IPCEF1: variants seen among roughly 807,000 people sequenced by gnomAD.
The protein encoded by IPCEF1 is interactor protein for cytohesin exchange factors 1.
A neutral mutation model predicts 50.9 loss-of-function variants in IPCEF1; 31 were observed. The observed-to-expected ratio is 0.61, with a 90% CI of 0.46 to 0.82. The LOEUF (loss-of-function observed/expected upper bound fraction) is 0.82, where lower values mean the gene tolerates loss of function less well. Among genes scored for constraint, IPCEF1 ranks in the 40% least tolerant of loss-of-function variants. The probability of loss-of-function intolerance (pLI) is 0.00; values close to 1 mark genes in which losing one functional copy is unlikely to be tolerated. For synonymous variants in IPCEF1, 181 were observed against 192.0 expected (o/e 0.94, Z 0.47); for missense variants, 458 against 514.0 (o/e 0.89, Z 1.05).
At chr6:154,316,854 C>T (rs1783231823) in intron 1 of IPCEF1, among the ~76,000 whole-genome samples, 1 of 152,092 alleles carries the variant, frequency 6.6e-6, no homozygotes, top group Non-Finnish European at 1.5e-5. Flanking sequence ...TTTAAAACAA[C>T]ATGTACCTAG....
rs755504161 is a variant in IPCEF1, at chr6:154,247,479, A to G, written c.46T>C (p.Leu16=). The change falls in exon 4 of 12, where the codon TTG becomes CTG. Residue 16 remains leucine, a synonymous_variant. Coordinates refer to ENST00000367220, the MANE Select transcript of IPCEF1 (RefSeq NM_001130700.2). ...GTTTTCCTCCTGGGCTTCTGACGCAAGGGAACCTGCTGAAAATGCAGGAAG... is the reference window on the plus strand; with the variant it reads ...GTTTTCCTCCTGGGCTTCTGACGCAGGGGAACCTGCTGAAAATGCAGGAAG... ...AIDGSALQVP[L]RQKPRRKTQG... The G allele has an allele frequency of 1.2e-6, 2 of 1,612,714 alleles. No individual in the cohort carries two copies. The highest frequency in any genetic ancestry group is 2.2e-5 in the South Asian group (2 of 90,990).
intron 1 of IPCEF1, among the ~76,000 whole-genome samples, chr6:154,323,879 G>A (rs992893941): frequency 1.3e-5 from 2 of 152,204 alleles, no homozygotes; most frequent in African/African-American, 4.8e-5. Context: ...TTTGAATCCA[G>A]GAGGCAGAGG....
At chr6:154,196,754 G>C (rs956931884) in intron 10 of IPCEF1, among the ~76,000 whole-genome samples, 9 of 152,164 alleles carry the variant, frequency 5.9e-5, no homozygotes, top group African/African-American at 2.2e-4. Flanking sequence ...ATTATGCTTT[G>C]TGAAAATAAT....
intron 5 of IPCEF1, among the ~76,000 whole-genome samples, chr6:154,242,867 C>A (rs61487560): frequency 0.034 from 4,936 of 144,254 alleles, 289 homozygotes; most frequent in African/African-American, 0.12. Context: ...CAGCCTGGGC[C>A]ATAGAGCAAG....
At chr6:154,165,084 C>T (rs1799320855) in intron 11 of IPCEF1, among the ~76,000 whole-genome samples, 1 of 152,184 alleles carries the variant, frequency 6.6e-6, no homozygotes, top group African/African-American at 2.4e-5. Context: ...TGCTTGTCTA[C>T]ACTCCTACTT....
chr6:154,276,198 A>G (rs897932468), intron 2 of IPCEF1, among the ~76,000 whole-genome samples: 1 of 151,886 alleles, frequency 6.6e-6, no homozygotes, highest in African/African-American at 2.4e-5. Context: ...GAAAAGAAAG[A>G]AAGAGAAAAA....
chr6:154,254,938 GAT>G (rs979078085), intron 3 of IPCEF1, among the ~76,000 whole-genome samples: 4 of 151,800 alleles, frequency 2.6e-5, no homozygotes, highest in African/African-American at 9.7e-5. Context: ...CAATTTCTCT[GAT>G]GTTTAATTTA....
intron 1 of IPCEF1, among the ~76,000 whole-genome samples, chr6:154,331,330 G>A (rs1200732897): frequency 2.3e-5 from 3 of 133,004 alleles, no homozygotes; most frequent in Non-Finnish European, 3.1e-5. Flanking sequence ...GAAGAAGAAG[G>A]GAGGAAGGGA....
intron 2 of IPCEF1, among the ~76,000 whole-genome samples, chr6:154,273,832 C>A (rs1206453974): frequency 7.1e-6 from 1 of 140,470 alleles, no homozygotes; most frequent in Non-Finnish European, 1.5e-5. Context: ...CGGCTCGCTG[C>A]AAGCTCCGCC....
chr6:154,214,162 T>C (rs1208561315), intron 8 of IPCEF1, 56 bp downstream of exon 8: 19 of 1,136,022 alleles, frequency 1.7e-5, no homozygotes, highest in Admixed American at 3.4e-5. Flanking sequence ...TTTCACCCTG[T>C]TTCAACCTGT....
chr6:154,301,687 T>C (rs535273142), intron 1 of IPCEF1, among the ~76,000 whole-genome samples: 5 of 152,260 alleles, frequency 3.3e-5, no homozygotes, highest in African/African-American at 1.2e-4. Context: ...ATCACTGAAA[T>C]TGTGTGGATA....
chr6:154,287,993 A>G (rs909445445), intron 2 of IPCEF1, among the ~76,000 whole-genome samples: 6 of 152,246 alleles, frequency 3.9e-5, no homozygotes, highest in African/African-American at 1.4e-4. Context: ...GTAAATGCGT[A>G]TCTTTTATAT....
intron 10 of IPCEF1, among the ~76,000 whole-genome samples, chr6:154,185,533 T>C (rs1171325993): frequency 6.6e-6 from 1 of 152,216 alleles, no homozygotes; most frequent in Non-Finnish European, 1.5e-5. Context: ...ACATGCTATG[T>C]AAATAAATAT....
intron 2 of IPCEF1, among the ~76,000 whole-genome samples, chr6:154,278,595 C>G (rs1290772326): frequency 6.6e-6 from 1 of 152,122 alleles, no homozygotes; most frequent in African/African-American, 2.4e-5. Flanking sequence ...TAAGAAGGTC[C>G]TTATTCCTAC....
chr6:154,192,477 T>C (rs1186644051), intron 10 of IPCEF1, among the ~76,000 whole-genome samples: 1 of 152,030 alleles, frequency 6.6e-6, no homozygotes, highest in Non-Finnish European at 1.5e-5. Flanking sequence ...CATATAAATA[T>C]CGAGTCATGA....
intron 2 of IPCEF1, among the ~76,000 whole-genome samples, chr6:154,275,986 C>G (rs1782046329): frequency 6.6e-6 from 1 of 152,028 alleles, no homozygotes; most frequent in South Asian, 2.1e-4. Context: ...TCGAAACCAG[C>G]CTGACCAACA....
intron 1 of IPCEF1, among the ~76,000 whole-genome samples, chr6:154,346,458 T>G (rs1423100784): frequency 6.6e-6 from 1 of 152,242 alleles, no homozygotes; most frequent in African/African-American, 2.4e-5. Context: ...TGGCATATAC[T>G]AATCTTTTCT....
intron 2 of IPCEF1, among the ~76,000 whole-genome samples, chr6:154,277,540 C>T (rs774619729): frequency 1.3e-5 from 2 of 152,162 alleles, no homozygotes; most frequent in African/African-American, 2.4e-5. Flanking sequence ...ATTTCAATAG[C>T]GCATTTTTTT....
intron 1 of IPCEF1, among the ~76,000 whole-genome samples, chr6:154,332,152 A>G (rs1783686564): frequency 1.3e-5 from 2 of 152,174 alleles, no homozygotes; most frequent in African/African-American, 2.4e-5. Context: ...ATTCTCACCA[A>G]TGAAACTCCG....
Sources: gnomAD v4.1 joint callset for allele counts (sites outside exome capture counted in the v4.1 genomes callset) on GRCh38, gnomAD v4.1.1 for gene constraint, MANE v1.5 for transcripts, NCBI Gene and HGNC (gene_info 2026-07-23, HGNC 2026-07-21) for gene names.